ACAP2: variants seen among roughly 807,000 people sequenced by gnomAD.
The protein encoded by ACAP2 is ArfGAP with coiled-coil, ankyrin repeat and PH domains 2.
In ACAP2, 39 loss-of-function variants were observed where a neutral mutation model predicts 115.8. The ratio of observed to expected loss-of-function variants is 0.34; its 90% CI spans 0.26 to 0.44. The LOEUF (loss-of-function observed/expected upper bound fraction) is 0.44. Among genes scored for constraint, ACAP2 ranks in the 20% least tolerant of loss-of-function variants. The pLI is 1.00. For missense variants in ACAP2, 662 were observed against 927.6 expected (o/e 0.71, Z 3.72); for synonymous variants, 289 against 315.8 (o/e 0.92, Z 0.90).
At chr3:195,386,958 C>T (rs1455010109) in intron 2 of ACAP2, among the ~76,000 whole-genome samples, 2 of 152,046 alleles carry the variant, frequency 1.3e-5, no homozygotes, top group African/African-American at 2.4e-5. Context: ...AAGATTAGAA[C>T]CCTGGGTGAT....
chr3:195,401,118 G>A (rs1712253944), intron 1 of ACAP2, among the ~76,000 whole-genome samples: 1 of 152,056 alleles, frequency 6.6e-6, no homozygotes, highest in Non-Finnish European at 1.5e-5. Flanking sequence ...TCCTTTTCAG[G>A]AATTGGAAGT....
intron 10 of ACAP2, among the ~76,000 whole-genome samples, chr3:195,316,645 C>T (rs1040553576): frequency 6.6e-6 from 1 of 151,626 alleles, no homozygotes. Flanking sequence ...GTGATACACC[C>T]ACCTCAGCCT....
At position 195,277,407 on chromosome 3, in the gene ACAP2, T is replaced by C. The variant is rs559792114; in HGVS notation, c.*1921A>G. On this transcript the variant is annotated 3_prime_UTR_variant, in exon 23 of 23. Transcript: ENST00000326793. ...AGATAAAGATTTAATGTTCCTGTTA[T>C]TGTTATAATTAAATACAATGCTGTG... 59 of 152,360 alleles carry C rather than the reference T, an allele frequency of 3.9e-4. No individual in the cohort carries two copies. The highest frequency in any genetic ancestry group is 1.4e-3 in the African/African-American group (58 of 41,582). 9.4% of individuals were successfully genotyped at this position (152,360 alleles called of 1,614,324 possible).
At chr3:195,360,897 G>A (rs1469748017) in intron 4 of ACAP2, among the ~76,000 whole-genome samples, 1 of 149,744 alleles carries the variant, frequency 6.7e-6, no homozygotes, top group Non-Finnish European at 1.5e-5. Flanking sequence ...TTGAGGGGGT[G>A]TAGAACACAC....
intron 1 of ACAP2, among the ~76,000 whole-genome samples, chr3:195,437,406 CCACCATGTGAAAGTT>C (rs1327892711): frequency 2.6e-5 from 4 of 152,168 alleles, no homozygotes; most frequent in Non-Finnish European, 4.4e-5. Context: ...TCTTCCAGGA[CCACCATGTGAAAGTT>C]CACCATTAAG....
At chr3:195,426,252 C>G (rs781732844) in intron 1 of ACAP2, among the ~76,000 whole-genome samples, 1 of 152,184 alleles carries the variant, frequency 6.6e-6, no homozygotes, top group Non-Finnish European at 1.5e-5. Context: ...CCACCACCAC[C>G]TGCTATCCAC....
At chr3:195,285,896 TAATATAA>T in intron 21 of ACAP2, 39 bp from the exon 22 acceptor site, 1 of 1,423,116 alleles carries the variant, frequency 7.0e-7, no homozygotes, top group South Asian at 1.2e-5. Context: ...TGACATTATA[TAATATAA>T]ATGTCATAAA....
intron 1 of ACAP2, among the ~76,000 whole-genome samples, chr3:195,441,619 G>C (rs1173228665): frequency 2.0e-5 from 3 of 152,200 alleles, no homozygotes; most frequent in African/African-American, 7.2e-5. Flanking sequence ...TTCCCAGGCA[G>C]AGGATGCAAT....
At chr3:195,288,321 T>G (rs759405182) in intron 21 of ACAP2, among the ~76,000 whole-genome samples, 5 of 152,136 alleles carry the variant, frequency 3.3e-5, no homozygotes, top group Non-Finnish European at 7.4e-5. Flanking sequence ...TTCCTCAGAG[T>G]TGTTGTGAGA....
At position 195,404,273 on chromosome 3, in the gene ACAP2, A is replaced by G. The variant is rs879486228; in HGVS notation, c.54-12126T>C. ...ATCAAGTATGTCAAAAGCTGCCGAC[A>G]GGTCAAACAAGAGGACTAAGAATTA... On this transcript the variant is annotated intron_variant, in intron 1 of 22. Coordinates refer to ENST00000326793, the MANE Select transcript of ACAP2 (RefSeq NM_012287.6). 3.9e-5 allele frequency among the ~76,000 whole-genome samples: 6 copies of G among 152,358 alleles called. No homozygotes were observed. In the East Asian group the frequency reaches 1.2e-3, roughly 29 times the overall value.
intron 7 of ACAP2, chr3:195,335,869 T>C (rs1207977134): frequency 2.0e-5 from 3 of 147,454 alleles, no homozygotes; most frequent in African/African-American, 7.4e-5. Context: ...CCATACCACA[T>C]CATGCCCTGC....
chr3:195,424,396 G>A (rs1244900573), intron 1 of ACAP2, among the ~76,000 whole-genome samples: 1 of 147,516 alleles, frequency 6.8e-6, no homozygotes, highest in Non-Finnish European at 1.5e-5. Flanking sequence ...CCTGGTTCAA[G>A]GAATTCCCCT....
chr3:195,414,563 G>A (rs555797170), intron 1 of ACAP2, among the ~76,000 whole-genome samples: 1 of 152,304 alleles, frequency 6.6e-6, no homozygotes, highest in South Asian at 2.1e-4. Flanking sequence ...TGGATAAGGT[G>A]TGTACATCCA....
At chr3:195,408,356 C>T (rs982434859) in intron 1 of ACAP2, among the ~76,000 whole-genome samples, 44 of 152,102 alleles carry the variant, frequency 2.9e-4, no homozygotes, top group African/African-American at 1.0e-3. Flanking sequence ...CACAGCTACA[C>T]GGGAGGCTGA....
rs1480021563 is a variant in ACAP2 at position 195,345,362 on chromosome 3, A to G, written c.286-45T>C. 2.4e-6 allele frequency: 3 copies of G among 1,238,506 alleles called. No homozygotes were observed. The African/African-American group carries it at 4.5e-5, about 18-fold the overall frequency. 76.7% of individuals were successfully genotyped at this position (1,238,506 alleles called of 1,614,324 possible). On this transcript the variant is annotated intron_variant, in intron 4 of 22. Coordinates refer to ENST00000326793, the MANE Select transcript of ACAP2 (RefSeq NM_012287.6). ...ATTAAGTGATTAGAAAAGTAAACAAAATAATTTTCTTATCGTGCTATAAAT... is the reference window on the plus strand; with the variant it reads ...ATTAAGTGATTAGAAAAGTAAACAAGATAATTTTCTTATCGTGCTATAAAT...
At chr3:195,285,747 A>C (rs1242363809) in intron 22 of ACAP2, 49 bp downstream of exon 22, 1 of 1,409,420 alleles carries the variant, frequency 7.1e-7, no homozygotes, top group Non-Finnish European at 9.9e-7. Flanking sequence ...AAATTCCTGA[A>C]TGCATTTCTT....
At chr3:195,354,476 T>TGG (rs781521535) in intron 4 of ACAP2, among the ~76,000 whole-genome samples, 12 of 152,244 alleles carry the variant, frequency 7.9e-5, no homozygotes, top group Non-Finnish European at 1.8e-4. Flanking sequence ...CACATGTATG[T>TGG]CTTCTTTTGA....
At chr3:195,317,183 C>G (rs1729152140) in intron 10 of ACAP2, among the ~76,000 whole-genome samples, 1 of 151,944 alleles carries the variant, frequency 6.6e-6, no homozygotes, top group South Asian at 2.1e-4. Context: ...TAGGCGTGAG[C>G]CACCGTGCCC....
At chr3:195,349,909 T>G (rs1441957547) in intron 4 of ACAP2, 1 of 213,712 alleles carries the variant, frequency 4.7e-6, no homozygotes, top group Non-Finnish European at 9.3e-6. Flanking sequence ...GGATCCCATA[T>G]GTGGTTTTCC....
Sources: allele counts gnomAD v4.1 joint callset (sites outside exome capture counted in the v4.1 genomes callset), GRCh38; gene constraint gnomAD v4.1.1; transcripts MANE v1.5; gene names NCBI Gene and HGNC (gene_info 2026-07-23, HGNC 2026-07-21).